Variants in EML4 observed in about 807,000 individuals in gnomAD.
EML4 encodes the protein echinoderm microtubule-associated protein-like 4.
A neutral mutation model predicts 129.0 loss-of-function variants in EML4; 72 were observed. That is an observed-to-expected ratio of 0.56 (90% CI 0.46 to 0.68). The LOEUF (loss-of-function observed/expected upper bound fraction) is 0.68, where lower values mean the gene tolerates loss of function less well. Ranked by LOEUF, EML4 falls within the 30% of genes least tolerant of loss-of-function variation. EML4 has a pLI of 0.00. For missense variants in EML4, 1,363 were observed against 1,190.6 expected (o/e 1.14, Z -2.13); for synonymous variants, 532 against 405.0 (o/e 1.31, Z -3.77).
chr2:42,279,783 TA>T (rs202216599), intron 6 of EML4, among the ~76,000 whole-genome samples: 5 of 149,096 alleles, frequency 3.4e-5, no homozygotes, highest in African/African-American at 5.0e-5. Flanking sequence ...TGTCTTTTTT[TA>T]TTATTATTAT....
At chr2:42,247,734 A>G (rs1037787973) in intron 2 of EML4, among the ~76,000 whole-genome samples, 4 of 152,028 alleles carry the variant, frequency 2.6e-5, no homozygotes, top group East Asian at 1.9e-4. Flanking sequence ...CCAGAAAACA[A>G]TTTTGTTTGG....
chr2:42,310,532 G>T (rs1280199880), intron 17 of EML4, among the ~76,000 whole-genome samples: 1 of 152,146 alleles, frequency 6.6e-6, no homozygotes, highest in East Asian at 1.9e-4. Flanking sequence ...TTTCAGTAGA[G>T]ACAGGGTTTC....
At chr2:42,224,427 G>A (rs535210256) in intron 1 of EML4, among the ~76,000 whole-genome samples, 11 of 152,228 alleles carry the variant, frequency 7.2e-5, no homozygotes, top group Admixed American at 3.9e-4. Context: ...GGGTATAACC[G>A]TGTGAGCACA....
At chr2:42,303,817 C>T (rs1447465032) in intron 16 of EML4, among the ~76,000 whole-genome samples, 3 of 151,976 alleles carry the variant, frequency 2.0e-5, no homozygotes, top group Admixed American at 6.6e-5. Context: ...CCCAGCTACT[C>T]GAGAGGCTGA....
rs192606945 is a variant in EML4 at position 42,245,630 on chromosome 2, C to T, written c.151C>T (p.Arg51Cys). ...GGCGGCTTTGGCTGATGTTTTGAGGCGTCTTGCAATCTCTGAAGATCATGT... is the reference window on the plus strand; with the variant it reads ...GGCGGCTTTGGCTGATGTTTTGAGGTGTCTTGCAATCTCTGAAGATCATGT... ...LKAALADVLR[R>C]LAISEDHVAS... The change falls in exon 2 of 23, where the codon CGT becomes TGT. Residue 51 changes from arginine (R) to cysteine (C), a missense_variant. Transcript: ENST00000318522. 6.2e-6 allele frequency: 10 copies of T among 1,613,556 alleles called. No individual in the cohort carries two copies. Among genetic ancestry groups the T allele is most frequent in the South Asian group, 2.2e-5 (2 of 91,040 alleles).
rs188892664 is a variant in EML4, at chr2:42,322,172, C to T, written c.2155-3295C>T. 9.1e-4 allele frequency among the ~76,000 whole-genome samples: 139 copies of T among 152,242 alleles called. 1 individual carries two copies. Among genetic ancestry groups the T allele is most frequent in the African/African-American group, 2.9e-3 (122 of 41,538 alleles). ...TATGAAGTTTACTAAGTAATAAAAACGGTATTTCAAATCAGTAGAGAAAGA... is the reference window on the plus strand; with the variant it reads ...TATGAAGTTTACTAAGTAATAAAAATGGTATTTCAAATCAGTAGAGAAAGA... On this transcript the variant is annotated intron_variant, in intron 19 of 22. Coordinates refer to ENST00000318522, the MANE Select transcript of EML4 (RefSeq NM_019063.5).
At chr2:42,262,690 G>C (rs944826541) in intron 4 of EML4, among the ~76,000 whole-genome samples, 5 of 152,068 alleles carry the variant, frequency 3.3e-5, no homozygotes, top group Non-Finnish European at 7.4e-5. Flanking sequence ...GTTTATTTCT[G>C]ATCATTGGTA....
chr2:42,169,650 G>T lies in EML4; in HGVS notation c.25+14G>T. 1 of 1,601,328 alleles carries T rather than the reference G, an allele frequency of 6.2e-7. No homozygotes were observed. Among genetic ancestry groups the T allele is most frequent in the East Asian group, 2.3e-5 (1 of 43,584 alleles). ...CCGGCAGTCTCGGTGAGTACGGCTG[G>T]GGAGTCCTGCGTCTTCTGCGAAGGG... On this transcript the variant is annotated intron_variant, in intron 1 of 22. Transcript: ENST00000318522.
rs193080473 is a variant in EML4, at chr2:42,262,141, T to C, written c.512+847T>C. ...AGAACTGGCTAGAATTTTAATAAAATAAATGACAACCATTCCTAAAAGATT... is the reference window on the plus strand; with the variant it reads ...AGAACTGGCTAGAATTTTAATAAAACAAATGACAACCATTCCTAAAAGATT... On this transcript the variant is annotated intron_variant, in intron 4 of 22. Transcript: ENST00000318522. Among the ~76,000 whole-genome samples, 405 of 152,228 alleles carry C rather than the reference T, an allele frequency of 2.7e-3. 2 individuals are homozygous for C. Among genetic ancestry groups the C allele is most frequent in the African/African-American group, 9.1e-3 (378 of 41,534 alleles).
chr2:42,265,183 TG>T (rs1262321291), intron 6 of EML4, among the ~76,000 whole-genome samples: 1 of 152,164 alleles, frequency 6.6e-6, no homozygotes, highest in Non-Finnish European at 1.5e-5. Context: ...CTCCACCTCC[TG>T]GGGTCAAGTG....
chr2:42,230,630 T>C (rs1674274222), intron 1 of EML4, among the ~76,000 whole-genome samples: 1 of 152,144 alleles, frequency 6.6e-6, no homozygotes, highest in Non-Finnish European at 1.5e-5. Context: ...GGTCTCAAAC[T>C]CCTGACCTCA....
chr2:42,307,478 T>C (rs947206908), intron 17 of EML4, among the ~76,000 whole-genome samples: 18 of 152,182 alleles, frequency 1.2e-4, no homozygotes, highest in African/African-American at 4.3e-4. Context: ...CAGATCTGGT[T>C]AGGTTCTGTT....
At chr2:42,288,732 T>C (rs929290647) in intron 11 of EML4, 1 of 153,354 alleles carries the variant, frequency 6.5e-6, no homozygotes, top group African/African-American at 2.4e-5. Context: ...ATGTTAAGTT[T>C]TTTGGTCTTA....
chr2:42,202,278 C>T (rs1314658152), intron 1 of EML4, among the ~76,000 whole-genome samples: 1 of 152,084 alleles, frequency 6.6e-6, no homozygotes, highest in Non-Finnish European at 1.5e-5. Flanking sequence ...CAGTGGCTCA[C>T]ACCTATAATC....
intron 1 of EML4, among the ~76,000 whole-genome samples, chr2:42,211,882 T>C (rs1672905644): frequency 6.6e-6 from 1 of 152,158 alleles, no homozygotes; most frequent in African/African-American, 2.4e-5. Flanking sequence ...TTTCACTCTG[T>C]CGCCCAGGTT....
chr2:42,185,043 C>T (rs1671169246), intron 1 of EML4, among the ~76,000 whole-genome samples: 1 of 152,054 alleles, frequency 6.6e-6, no homozygotes, highest in Non-Finnish European at 1.5e-5. Context: ...TGCAATGATA[C>T]ATCTGTGACA....
chr2:42,190,356 G>A (rs988773347), intron 1 of EML4, among the ~76,000 whole-genome samples: 5 of 152,308 alleles, frequency 3.3e-5, no homozygotes, highest in African/African-American at 1.2e-4. Context: ...TAGAGTTTGA[G>A]TAGTGATGGC....
At chr2:42,204,103 T>A (rs189946381) in intron 1 of EML4, among the ~76,000 whole-genome samples, 1 of 152,080 alleles carries the variant, frequency 6.6e-6, no homozygotes, top group Non-Finnish European at 1.5e-5. Context: ...AATTTTTTAA[T>A]AGAGATGGGT....
rs1289483519 is a variant in EML4 at position 42,245,461 on chromosome 2, A to G, written c.26-44A>G. ...TTTTCTAATCAGAAATTACTTCTCA[A>G]GCAGTTTACTTAAAAATATTCCATA... On this transcript the variant is annotated intron_variant, in intron 1 of 22. Coordinates refer to ENST00000318522, the MANE Select transcript of EML4 (RefSeq NM_019063.5). 10 of 1,485,272 alleles carry G rather than the reference A, an allele frequency of 6.7e-6. No individual in the cohort carries two copies. In the Admixed American group the frequency reaches 1.8e-4, roughly 26 times the overall value. 92.0% of individuals were successfully genotyped at this position (1,485,272 alleles called of 1,614,324 possible). A position where few individuals can be genotyped will look rare whatever the true frequency, so the allele number is the denominator to read the frequency against.
Sources: allele counts gnomAD v4.1 joint callset (sites outside exome capture counted in the v4.1 genomes callset), GRCh38; gene constraint gnomAD v4.1.1; transcripts MANE v1.5; gene names NCBI Gene and HGNC (gene_info 2026-07-23, HGNC 2026-07-21).